PHF24: variants seen among roughly 807,000 people sequenced by gnomAD.
PHF24 encodes Galpha inhibitory interacting protein.
Under a neutral mutation model 42.6 loss-of-function variants are expected in PHF24, and 25 were observed. That is an observed-to-expected ratio of 0.59 (90% CI 0.43 to 0.82). The LOEUF (loss-of-function observed/expected upper bound fraction) is 0.82, where lower values mean the gene tolerates loss of function less well. PHF24 is among the 40% of genes least tolerant of loss of function. The pLI, the probability that PHF24 is intolerant of heterozygous loss-of-function variation, is 0.00. For missense variants in PHF24, 470 were observed against 538.1 expected (o/e 0.87, Z 1.25); for synonymous variants, 185 against 204.8 (o/e 0.90, Z 0.83).
the PHF24 span, among the ~76,000 whole-genome samples, chr9:34,882,732 G>A: frequency 6.6e-6 from 1 of 152,092 alleles, no homozygotes; most frequent in Non-Finnish European, 1.5e-5. Flanking sequence ...ACAAATGGAA[G>A]AACATTCCAT....
chr9:34,962,162 A>G (rs529364946), intron 1 of PHF24, among the ~76,000 whole-genome samples: 60 of 152,360 alleles, frequency 3.9e-4, no homozygotes, highest in African/African-American at 1.3e-3. Context: ...TTGAAACTCA[A>G]ATACATATTC....
the PHF24 span, among the ~76,000 whole-genome samples, chr9:34,939,865 A>G: frequency 6.6e-6 from 1 of 152,142 alleles, no homozygotes; most frequent in East Asian, 1.9e-4. Context: ...CAGGCCTACA[A>G]CTGGTACACA....
At chr9:34,973,569 T>C (rs1349037905) in intron 3 of PHF24, among the ~76,000 whole-genome samples, 3 of 152,258 alleles carry the variant, frequency 2.0e-5, no homozygotes, top group African/African-American at 7.2e-5. Context: ...TCATTGTTTA[T>C]TGATTTCAGA....
At chr9:34,944,752 T>G in the PHF24 span, among the ~76,000 whole-genome samples, 1 of 152,140 alleles carries the variant, frequency 6.6e-6, no homozygotes, top group Non-Finnish European at 1.5e-5. Flanking sequence ...GGCACATGCC[T>G]GTAATCCCAG....
the PHF24 span, among the ~76,000 whole-genome samples, chr9:34,714,046 A>G: frequency 6.6e-6 from 1 of 152,142 alleles, no homozygotes; most frequent in Admixed American, 6.5e-5. Context: ...GTGGTGTTTC[A>G]TTCTAAGGTC....
chr9:34,976,028 TAGG>T, intron 3 of PHF24, 121 bp from the exon 4 acceptor site: 1 of 703,272 alleles, frequency 1.4e-6, no homozygotes. Context: ...TGATTGTGAA[TAGG>T]AGGCTGGGAT....
At chr9:34,699,484 G>C in the PHF24 span, among the ~76,000 whole-genome samples, 1 of 152,200 alleles carries the variant, frequency 6.6e-6, no homozygotes. Flanking sequence ...CAACAACCCT[G>C]CTCTCACCTC....
At chr9:34,829,457 G>A in the PHF24 span, among the ~76,000 whole-genome samples, 5 of 152,058 alleles carry the variant, frequency 3.3e-5, no homozygotes, top group Admixed American at 6.5e-5. Context: ...GTTATGTTTG[G>A]CATAGTACTT....
chr9:34,744,736 C>T, the PHF24 span, among the ~76,000 whole-genome samples: 1 of 152,026 alleles, frequency 6.6e-6, no homozygotes, highest in African/African-American at 2.4e-5. Flanking sequence ...ATATCATTTC[C>T]CAAATGTGTC....
the PHF24 span, among the ~76,000 whole-genome samples, chr9:34,745,160 G>C: frequency 6.6e-6 from 1 of 152,178 alleles, no homozygotes; most frequent in Non-Finnish European, 1.5e-5. Context: ...ACTCAGAGCA[G>C]AGAGGTCAGG....
the PHF24 span, among the ~76,000 whole-genome samples, chr9:34,848,978 A>C: frequency 6.6e-6 from 1 of 152,038 alleles, no homozygotes; most frequent in Admixed American, 6.6e-5. Context: ...GTTTGTTATA[A>C]TTTCTGTTCT....
chr9:34,772,903 C>T, the PHF24 span, among the ~76,000 whole-genome samples: 1 of 151,764 alleles, frequency 6.6e-6, no homozygotes, highest in Non-Finnish European at 1.5e-5. Context: ...GGTTAGTATA[C>T]ATACCTATTT....
chr9:34,966,341 A>G (rs1826766919), intron 1 of PHF24, among the ~76,000 whole-genome samples: 1 of 152,140 alleles, frequency 6.6e-6, no homozygotes, highest in African/African-American at 2.4e-5. Context: ...AATCCTAGCT[A>G]CTTGGGAGGC....
the PHF24 span, among the ~76,000 whole-genome samples, chr9:34,893,772 G>T: frequency 1.1e-4 from 16 of 152,262 alleles, no homozygotes; most frequent in Admixed American, 1.0e-3. Flanking sequence ...TTGAAAAGCT[G>T]AACTAGGAGA....
chr9:34,745,384 G>A, the PHF24 span, among the ~76,000 whole-genome samples: 144 of 152,266 alleles, frequency 9.5e-4, 2 homozygotes, highest in Non-Finnish European at 1.1e-3. Context: ...TGCTTCACTG[G>A]AGTGTGAGAA....
the PHF24 span, chr9:34,922,494 TC>T: frequency 2.4e-6 from 3 of 1,262,830 alleles, no homozygotes; most frequent in Non-Finnish European, 3.5e-6. Context: ...TTGTGACTGA[TC>T]CACAGTCCCT....
At chr9:34,824,851 T>A in the PHF24 span, among the ~76,000 whole-genome samples, 1 of 152,192 alleles carries the variant, frequency 6.6e-6, no homozygotes, top group Admixed American at 6.5e-5. Context: ...AGAGGGCGGA[T>A]CAGTTTTCTA....
the PHF24 span, chr9:34,833,609 T>G: frequency 1.9e-6 from 3 of 1,541,048 alleles, no homozygotes; most frequent in East Asian, 4.9e-5. Context: ...CTCTAGGACC[T>G]TTTTTCTCAG....
At chr9:34,764,581 TTC>T in the PHF24 span, among the ~76,000 whole-genome samples, 11 of 152,268 alleles carry the variant, frequency 7.2e-5, no homozygotes, top group Admixed American at 1.3e-4. Flanking sequence ...TATTTGATTC[TTC>T]TCTCTTTTCT....
Sources: allele counts gnomAD v4.1 joint callset (sites outside exome capture counted in the v4.1 genomes callset), GRCh38; gene constraint gnomAD v4.1.1; transcripts MANE v1.5; gene names NCBI Gene and HGNC (gene_info 2026-07-23, HGNC 2026-07-21).